Variants in CNR1 observed in about 807,000 individuals in gnomAD.
CNR1 encodes the protein cannabinoid receptor 1.
A neutral mutation model predicts 23.0 loss-of-function variants in CNR1; 10 were observed. The ratio of observed to expected loss-of-function variants is 0.43; its 90% CI spans 0.27 to 0.74. The LOEUF (loss-of-function observed/expected upper bound fraction) is 0.74, where lower values mean the gene tolerates loss of function less well. Ranked by LOEUF, CNR1 falls within the 30% of genes least tolerant of loss-of-function variation. CNR1 has a pLI of 0.19. For synonymous variants in CNR1, 271 were observed against 255.2 expected (o/e 1.06, Z -0.59); for missense variants, 422 against 618.8 (o/e 0.68, Z 3.37).
chr6:88,154,134 C>T (rs966234424), intron 1 of CNR1, among the ~76,000 whole-genome samples: 3 of 152,074 alleles, frequency 2.0e-5, no homozygotes, highest in Non-Finnish European at 4.4e-5. Context: ...TATTTTGTAA[C>T]ATAAAATAGA....
intron 1 of CNR1, among the ~76,000 whole-genome samples, chr6:88,151,578 C>T (rs1777521186): frequency 6.6e-6 from 1 of 152,042 alleles, no homozygotes; most frequent in Non-Finnish European, 1.5e-5. Flanking sequence ...TAGTGCCTGA[C>T]ACAAAAGTAA....
In CNR1 at chr6:88,143,690, T is replaced by TA. The variant is rs112796530; in HGVS notation, c.*165dup. On this transcript the variant is annotated 3_prime_UTR_variant, in exon 2 of 2. Transcript: ENST00000369501. ...CCCTGGAGAATGGAGTTTGAGTACC[T>TA]AAACTATGGAAACATTAGCAAACTG... The TA allele has an allele frequency of 1.8e-3, 1,141 of 625,928 alleles. 4 individuals are homozygous for TA. Among genetic ancestry groups the TA allele is most frequent in the African/African-American group, 0.01 (549 of 54,856 alleles). 38.8% of individuals were successfully genotyped at this position (625,928 alleles called of 1,614,324 possible). A position where few individuals can be genotyped will look rare whatever the true frequency, so the allele number is the denominator to read the frequency against.
intron 1 of CNR1, among the ~76,000 whole-genome samples, chr6:88,160,715 G>A (rs1778058940): frequency 6.6e-6 from 1 of 152,160 alleles, no homozygotes; most frequent in Non-Finnish European, 1.5e-5. Context: ...GATTGCAGGC[G>A]TGAGCTACCG....
chr6:88,166,409 T>C (rs978751698), upstream of CNR1: 13 of 152,310 alleles, frequency 8.5e-5, no homozygotes, highest in Non-Finnish European at 1.6e-4. Flanking sequence ...AATGAGCCTT[T>C]GTCCTGCCCT....
In CNR1 at chr6:88,142,300, C is replaced by T. The variant is rs760558685; in HGVS notation, c.*1556G>A. 1 of 152,372 alleles carries T rather than the reference C, an allele frequency of 6.6e-6. No individual in the cohort carries two copies. The highest frequency in any genetic ancestry group is 1.5e-5 in the Non-Finnish European group (1 of 68,056). 9.4% of individuals were successfully genotyped at this position (152,372 alleles called of 1,614,324 possible). Reference sequence around the variant, plus strand: ...GATTCAGCTTTTTTAGCCACATGGGCTGGGTGTGATAGTCCTACTTTAACG... The same window carrying T: ...GATTCAGCTTTTTTAGCCACATGGGTTGGGTGTGATAGTCCTACTTTAACG... On this transcript the variant is annotated 3_prime_UTR_variant, in exon 2 of 2. Coordinates refer to ENST00000369501, the MANE Select transcript of CNR1 (RefSeq NM_016083.6).
rs1352336894 is a variant in CNR1 at position 88,143,317 on chromosome 6, C to A, written c.*539G>T. 6.5e-6 allele frequency: 1 copy of A among 153,332 alleles called. No individual in the cohort carries two copies. The highest frequency in any genetic ancestry group is 2.4e-5 in the African/African-American group (1 of 41,440). The allele number at this position is 153,332 out of a possible 1,614,324, so 9.5% of individuals were successfully genotyped here. Reference sequence around the variant, plus strand: ...TAGAAAAAAAGTGCACACATTGACACGTATCCACTGCTTGTCCATTGTTCT... The same window carrying A: ...TAGAAAAAAAGTGCACACATTGACAAGTATCCACTGCTTGTCCATTGTTCT... On this transcript the variant is annotated 3_prime_UTR_variant, in exon 2 of 2. Coordinates refer to ENST00000369501, the MANE Select transcript of CNR1 (RefSeq NM_016083.6).
chr6:88,160,159 C>T (rs1408783844), intron 1 of CNR1, among the ~76,000 whole-genome samples: 3 of 152,084 alleles, frequency 2.0e-5, no homozygotes, highest in African/African-American at 7.2e-5. Flanking sequence ...GAAACCCCGT[C>T]TGCACGAAAA....
At chr6:88,163,008 T>C (rs549262528) in intron 1 of CNR1, 6 of 152,350 alleles carry the variant, frequency 3.9e-5, no homozygotes, top group Admixed American at 2.0e-4. Flanking sequence ...CTCTCATCTA[T>C]GTTCTTTATG....
chr6:88,160,626 G>C (rs1482465525), intron 1 of CNR1, among the ~76,000 whole-genome samples: 1 of 151,846 alleles, frequency 6.6e-6, no homozygotes, highest in East Asian at 1.9e-4. Flanking sequence ...GTAGAGAAGG[G>C]GTTTCACCAC....
At chr6:88,154,515 A>C (rs1261774338) in intron 1 of CNR1, among the ~76,000 whole-genome samples, 4 of 152,232 alleles carry the variant, frequency 2.6e-5, no homozygotes, top group African/African-American at 7.2e-5. Flanking sequence ...TCCAATTAAG[A>C]GTGCCTTGGC....
chr6:88,152,477 T>C (rs773985496), intron 1 of CNR1, among the ~76,000 whole-genome samples: 2 of 152,198 alleles, frequency 1.3e-5, no homozygotes, highest in Non-Finnish European at 2.9e-5. Flanking sequence ...TCACCGCAAG[T>C]GTGATCACAA....
intron 1 of CNR1, among the ~76,000 whole-genome samples, chr6:88,145,779 C>A (rs530113565): frequency 6.6e-6 from 1 of 152,296 alleles, no homozygotes; most frequent in Admixed American, 6.5e-5. Flanking sequence ...TCACATGACC[C>A]CTACTCTTGG....
At chr6:88,152,840 C>T (rs9444584) in intron 1 of CNR1, among the ~76,000 whole-genome samples, 45,033 of 152,004 alleles carry the variant, frequency 0.3, 8,455 homozygotes, top group African/African-American at 0.54. Context: ...ATTACTAATA[C>T]GGCTTAGGCT....
At chr6:88,155,102 T>C (rs958954511) in intron 1 of CNR1, among the ~76,000 whole-genome samples, 4 of 152,226 alleles carry the variant, frequency 2.6e-5, no homozygotes, top group Non-Finnish European at 4.4e-5. Context: ...AAGGAGTCCA[T>C]AGCAACAGTG....
At chr6:88,152,929 A>G (rs1051021559) in intron 1 of CNR1, among the ~76,000 whole-genome samples, 2 of 152,240 alleles carry the variant, frequency 1.3e-5, no homozygotes, top group African/African-American at 2.4e-5. Flanking sequence ...AGCAAGATGT[A>G]TAGATGCACC....
At chr6:88,147,529 A>G (rs1777270116) in intron 1 of CNR1, 1 of 152,236 alleles carries the variant, frequency 6.6e-6, no homozygotes, top group Non-Finnish European at 1.5e-5. Flanking sequence ...CACAGAGTCA[A>G]TGAAAATAAT....
chr6:88,164,570 G>C lies in CNR1; in HGVS notation c.-64+1233C>G, dbSNP rs982067491. On this transcript the variant is annotated intron_variant, in intron 1 of 1. Coordinates refer to ENST00000369501, the MANE Select transcript of CNR1 (RefSeq NM_016083.6). ...ATTGCTCTTAACTGAGTTAGAGAGCGGGGGAGGGGGAGGAGTACCAGGGAA... is the reference window on the plus strand; with the variant it reads ...ATTGCTCTTAACTGAGTTAGAGAGCCGGGGAGGGGGAGGAGTACCAGGGAA... 2.0e-5 allele frequency among the ~76,000 whole-genome samples: 3 copies of C among 152,290 alleles called. No homozygotes were observed. In the East Asian group the frequency reaches 5.8e-4, roughly 29 times the overall value.
upstream of CNR1, among the ~76,000 whole-genome samples, chr6:88,166,920 G>C (rs1469832915): frequency 6.6e-6 from 1 of 151,924 alleles, no homozygotes; most frequent in African/African-American, 2.4e-5. Context: ...CCGGGGCCGG[G>C]CTGAGCTTTG....
chr6:88,153,099 C>G (rs80248412), intron 1 of CNR1, among the ~76,000 whole-genome samples: 27 of 152,244 alleles, frequency 1.8e-4, no homozygotes, highest in African/African-American at 6.3e-4. Flanking sequence ...ATAAAAATAT[C>G]TTAATGTATT....
Sources: gnomAD v4.1 joint callset for allele counts (sites outside exome capture counted in the v4.1 genomes callset) on GRCh38, gnomAD v4.1.1 for gene constraint, MANE v1.5 for transcripts, NCBI Gene and HGNC (gene_info 2026-07-23, HGNC 2026-07-21) for gene names.